The following GPATCH2 variants were observed in gnomAD, a reference collection of about 807,000 sequenced individuals.
GPATCH2 encodes G-patch domain containing 2, also known as G patch domain-containing protein 2.
A neutral mutation model predicts 58.0 loss-of-function variants in GPATCH2; 51 were observed. That is an observed-to-expected ratio of 0.88 (90% CI 0.70 to 1.11). The LOEUF is 1.11. Ranked by LOEUF, GPATCH2 falls within the 50% of genes most tolerant of loss-of-function variation. The probability of loss-of-function intolerance (pLI) is 0.00; values close to 1 mark genes in which losing one functional copy is unlikely to be tolerated. For missense variants in GPATCH2, 625 were observed against 652.2 expected (o/e 0.96, Z 0.45); for synonymous variants, 222 against 218.5 (o/e 1.02, Z -0.14).
chr1:217,577,343 T>A (rs1666854003), intron 5 of GPATCH2, among the ~76,000 whole-genome samples: 1 of 152,198 alleles, frequency 6.6e-6, no homozygotes. Flanking sequence ...TTTAAGAGCA[T>A]GATCTTTGAC....
intron 5 of GPATCH2, among the ~76,000 whole-genome samples, chr1:217,529,250 G>A (rs770602388): frequency 6.6e-6 from 1 of 152,140 alleles, no homozygotes; most frequent in African/African-American, 2.4e-5. Context: ...TCCTGCCATG[G>A]TTTGGATATG....
At chr1:217,444,972 C>T (rs541993933) in intron 9 of GPATCH2, among the ~76,000 whole-genome samples, 5 of 152,182 alleles carry the variant, frequency 3.3e-5, no homozygotes, top group South Asian at 2.1e-4. Context: ...TTATTTACAA[C>T]CTGCCTTCAC....
chr1:217,624,543 C>G (rs973477083), intron 1 of GPATCH2, among the ~76,000 whole-genome samples: 1 of 152,194 alleles, frequency 6.6e-6, no homozygotes, highest in Non-Finnish European at 1.5e-5. Context: ...ACAAAGTGAT[C>G]CTAAGAGACC....
chr1:217,500,990 A>G lies in GPATCH2; in HGVS notation c.1167-2595T>C, dbSNP rs970685302. Reference sequence around the variant, plus strand: ...GATAATATTTTGCAAACTATAGTGTAACATCACAACTAAGACACTGAGACT... The same window carrying G: ...GATAATATTTTGCAAACTATAGTGTGACATCACAACTAAGACACTGAGACT... On this transcript the variant is annotated intron_variant, in intron 6 of 9. Transcript: ENST00000366935. Among the ~76,000 whole-genome samples the G allele has an allele frequency of 4.6e-5, 7 of 152,212 alleles. No individual in the cohort carries two copies. In the East Asian group the frequency reaches 1.2e-3, roughly 25 times the overall value.
chr1:217,497,102 T>C (rs1190101651), intron 7 of GPATCH2, among the ~76,000 whole-genome samples: 1 of 152,186 alleles, frequency 6.6e-6, no homozygotes, highest in Non-Finnish European at 1.5e-5. Context: ...AACATTGCTT[T>C]AGTACTTCTC....
Position 217,427,900 on chromosome 1 carries a change from G to A in GPATCH2, c.*3245C>T, listed in dbSNP as rs912013469. 1 of 152,138 alleles carries A rather than the reference G, an allele frequency of 6.6e-6. No individual in the cohort carries two copies. The highest frequency in any genetic ancestry group is 2.4e-5 in the African/African-American group (1 of 41,444). 9.4% of individuals were successfully genotyped at this position (152,138 alleles called of 1,614,324 possible). A position where few individuals can be genotyped will look rare whatever the true frequency, so the allele number is the denominator to read the frequency against. On this transcript the variant is annotated 3_prime_UTR_variant, in exon 10 of 10. Coordinates refer to ENST00000366935, the MANE Select transcript of GPATCH2 (RefSeq NM_018040.5). ...AAATACACCTATAGGTACACATTAT[G>A]TATATCTTTACCCCTACTGTGTTAA... is the stretch of plus-strand genomic sequence containing the variant.
intron 5 of GPATCH2, among the ~76,000 whole-genome samples, chr1:217,525,159 G>C (rs1663824825): frequency 1.3e-5 from 2 of 151,736 alleles, no homozygotes; most frequent in Admixed American, 1.3e-4. Context: ...AGAAGTGATT[G>C]TTCTCACATG....
Position 217,620,312 on chromosome 1 carries a change from A to G in GPATCH2, c.244T>C (p.Trp82Arg). The change falls in exon 2 of 10, where the codon TGG (tryptophan) becomes CGG (arginine). Residue 82 changes from tryptophan to arginine, a missense_variant. Transcript: ENST00000366935. ...TCACTTAAGCAGTGACCAGTCTCCC[A>G]CGGGTGATGCACATTATACGACCTC... The part of the protein sequence containing the change: ...KRRSYNVHHP[W>R]ETGHCLSEGS... 1 of 1,614,014 alleles carries G rather than the reference A, an allele frequency of 6.2e-7. No individual in the cohort carries two copies. The highest frequency in any genetic ancestry group is 8.5e-7 in the Non-Finnish European group (1 of 1,180,010).
chr1:217,535,869 C>T (rs1273519523), intron 5 of GPATCH2, among the ~76,000 whole-genome samples: 1 of 152,214 alleles, frequency 6.6e-6, no homozygotes. Flanking sequence ...ATCGCCGCTA[C>T]TGATTTCAGA....
chr1:217,567,050 T>TTTG (rs1666279417), intron 5 of GPATCH2, among the ~76,000 whole-genome samples: 3 of 150,726 alleles, frequency 2.0e-5, no homozygotes, highest in Non-Finnish European at 3.0e-5. Context: ...TTCTGGCTTT[T>TTTG]TTTTTTTTTT....
At chr1:217,488,003 G>A (rs1250759612) in intron 8 of GPATCH2, among the ~76,000 whole-genome samples, 1 of 152,130 alleles carries the variant, frequency 6.6e-6, no homozygotes, top group Non-Finnish European at 1.5e-5. Context: ...GCTTCCCAAA[G>A]TGTTGGGATT....
At chr1:217,464,169 C>A (rs6700494) in intron 8 of GPATCH2, among the ~76,000 whole-genome samples, 4 of 152,030 alleles carry the variant, frequency 2.6e-5, no homozygotes, top group Non-Finnish European at 5.9e-5. Context: ...GAGTACTCTG[C>A]GAATATGGTG....
intron 8 of GPATCH2, among the ~76,000 whole-genome samples, chr1:217,485,459 C>CTTT (rs56048191): frequency 7.3e-6 from 1 of 137,056 alleles, no homozygotes. Flanking sequence ...GGTTGAATAT[C>CTTT]TTTTTTTTTT....
chr1:217,515,727 A>T (rs1018148964), intron 5 of GPATCH2, among the ~76,000 whole-genome samples: 12 of 151,838 alleles, frequency 7.9e-5, no homozygotes, highest in African/African-American at 1.5e-4. Flanking sequence ...CTAAAAAAAA[A>T]TTTTAAAAAA....
At chr1:217,563,563 A>G (rs1270816225) in intron 5 of GPATCH2, among the ~76,000 whole-genome samples, 3 of 152,210 alleles carry the variant, frequency 2.0e-5, no homozygotes, top group Admixed American at 2.0e-4. Flanking sequence ...ACATTTTCCT[A>G]TTATTTGATG....
intron 1 of GPATCH2, among the ~76,000 whole-genome samples, chr1:217,622,822 G>A (rs995322413): frequency 2.6e-4 from 39 of 152,324 alleles, no homozygotes; most frequent in African/African-American, 8.4e-4. Flanking sequence ...AATTATAGGC[G>A]TGAGCCACCA....
intron 1 of GPATCH2, among the ~76,000 whole-genome samples, chr1:217,624,606 T>C (rs11117898): frequency 1.3e-5 from 2 of 152,206 alleles, no homozygotes; most frequent in Non-Finnish European, 2.9e-5. Flanking sequence ...TTTACACTGA[T>C]GCATCAGAAG....
At chr1:217,471,892 C>G (rs1660735620) in intron 8 of GPATCH2, among the ~76,000 whole-genome samples, 1 of 151,992 alleles carries the variant, frequency 6.6e-6, no homozygotes, top group South Asian at 2.1e-4. Context: ...TGTTTAGCAA[C>G]TAAGTGAAAG....
chr1:217,472,184 T>C (rs1387932624), intron 8 of GPATCH2, among the ~76,000 whole-genome samples: 1 of 152,084 alleles, frequency 6.6e-6, no homozygotes, highest in African/African-American at 2.4e-5. Flanking sequence ...CATGGATTCT[T>C]ACAGCAATAA....
Sources: allele counts gnomAD v4.1 joint callset (sites outside exome capture counted in the v4.1 genomes callset), GRCh38; gene constraint gnomAD v4.1.1; transcripts MANE v1.5; gene names NCBI Gene and HGNC (gene_info 2026-07-23, HGNC 2026-07-21).